The following NKAIN3 variants were observed in gnomAD, a reference collection of about 807,000 sequenced individuals.
NKAIN3 encodes the protein sodium/potassium-transporting ATPase subunit beta-1-interacting protein 3.
A neutral mutation model predicts 30.2 loss-of-function variants in NKAIN3; 25 were observed. The ratio of observed to expected loss-of-function variants is 0.83; its 90% CI spans 0.60 to 1.16. The LOEUF (loss-of-function observed/expected upper bound fraction) is 1.16. Among genes scored for constraint, NKAIN3 ranks in the 50% most tolerant of loss-of-function variants. The probability of loss-of-function intolerance (pLI) is 0.00; values close to 1 mark genes in which losing one functional copy is unlikely to be tolerated. For synonymous variants in NKAIN3, 91 were observed against 89.6 expected (o/e 1.02, Z -0.09); for missense variants, 225 against 254.1 (o/e 0.89, Z 0.78).
At chr8:62,538,316 AG>A (rs2129875758) in intron 1 of NKAIN3, among the ~76,000 whole-genome samples, 1 of 152,120 alleles carries the variant, frequency 6.6e-6, no homozygotes, top group African/African-American at 2.4e-5. Context: ...CAAGGACCAT[AG>A]GCACCCACCA....
At chr8:62,270,519 T>C (rs1812746744) in intron 1 of NKAIN3, among the ~76,000 whole-genome samples, 1 of 152,168 alleles carries the variant, frequency 6.6e-6, no homozygotes. Context: ...GTGGAATAAT[T>C]AAATCGAATT....
At chr8:62,873,827 C>A (rs761732151) in intron 4 of NKAIN3, among the ~76,000 whole-genome samples, 1 of 151,866 alleles carries the variant, frequency 6.6e-6, no homozygotes, top group African/African-American at 2.4e-5. Flanking sequence ...TGGGTTATGG[C>A]TAAAGCAGTG....
chr8:62,828,724 C>T (rs748245482), intron 4 of NKAIN3, among the ~76,000 whole-genome samples: 6 of 152,094 alleles, frequency 3.9e-5, no homozygotes, highest in Non-Finnish European at 7.4e-5. Context: ...TCTTAAGATA[C>T]TAGAAGCTTC....
At chr8:62,286,900 T>C (rs186104203) in intron 1 of NKAIN3, among the ~76,000 whole-genome samples, 16 of 152,078 alleles carry the variant, frequency 1.1e-4, no homozygotes, top group Admixed American at 1.0e-3. Flanking sequence ...ATTGTTTTCC[T>C]TCATTTTAGA....
chr8:62,991,632 T>C (rs1824322853), intron 5 of NKAIN3, among the ~76,000 whole-genome samples: 1 of 152,230 alleles, frequency 6.6e-6, no homozygotes, highest in South Asian at 2.1e-4. Flanking sequence ...AAGTTTGTTT[T>C]CAGAGTGTTT....
chr8:62,992,751 C>A (rs899984907), intron 5 of NKAIN3, among the ~76,000 whole-genome samples: 1 of 150,482 alleles, frequency 6.6e-6, no homozygotes, highest in African/African-American at 2.5e-5. Context: ...TTCTAGCATG[C>A]AAATTCTTTC....
intron 1 of NKAIN3, among the ~76,000 whole-genome samples, chr8:62,508,530 C>T (rs1585887430): frequency 6.6e-6 from 1 of 152,224 alleles, no homozygotes; most frequent in South Asian, 2.1e-4. Context: ...CCCTCATTGT[C>T]CGGGGACCAG....
Position 62,753,276 on chromosome 8 carries a change from T to C in NKAIN3, c.471+6147T>C, listed in dbSNP as rs1816345862. Among the ~76,000 whole-genome samples the C allele has an allele frequency of 2.0e-5, 3 of 151,596 alleles. No homozygotes were observed. In the South Asian group the frequency reaches 6.2e-4, roughly 31 times the overall value. On this transcript the variant is annotated intron_variant, in intron 4 of 6. Coordinates refer to ENST00000623646, the MANE Select transcript of NKAIN3 (RefSeq NM_001304533.3). Reference sequence around the variant, plus strand: ...AGCATTTCCTTTTTCTGCTAGAGAATGTGAATAAAGTATTTCTGCTTGAAA... The same window carrying C: ...AGCATTTCCTTTTTCTGCTAGAGAACGTGAATAAAGTATTTCTGCTTGAAA...
At chr8:62,305,062 A>G (rs1328030471) in intron 1 of NKAIN3, among the ~76,000 whole-genome samples, 2 of 150,584 alleles carry the variant, frequency 1.3e-5, no homozygotes, top group East Asian at 3.9e-4. Context: ...GGGTCTGTAA[A>G]GGAAATAGTA....
chr8:62,867,638 C>G (rs75425843), intron 4 of NKAIN3, among the ~76,000 whole-genome samples: 9 of 152,326 alleles, frequency 5.9e-5, no homozygotes, highest in Non-Finnish European at 1.2e-4. Context: ...ACACAGTCAA[C>G]TCAGAGGATG....
rs1184324213 is a variant in NKAIN3, at chr8:62,971,930, T to A, written c.*6523T>A. On this transcript the variant is annotated 3_prime_UTR_variant, in exon 7 of 7. Coordinates refer to ENST00000623646, the MANE Select transcript of NKAIN3 (RefSeq NM_001304533.3). The stretch of plus-strand genomic sequence containing the variant: ...ATCAGTAGCACTACATCCTTCTAGG[T>A]TTCCCATAATTTTGCAGACAGGTTT... Among the ~76,000 whole-genome samples, 1 of 152,178 alleles carries A rather than the reference T, an allele frequency of 6.6e-6. No homozygotes were observed. Among genetic ancestry groups the A allele is most frequent in the Non-Finnish European group, 1.5e-5 (1 of 68,010 alleles).
chr8:62,970,280 A>G lies in NKAIN3; in HGVS notation c.*4873A>G, dbSNP rs1823804948. ...TATTAGAAGAAGGTATTTATCAATA[A>G]AGAATTCTCAAAAAAATGGAATTAT... On this transcript the variant is annotated 3_prime_UTR_variant, in exon 7 of 7. Transcript: ENST00000623646. Among the ~76,000 whole-genome samples the G allele has an allele frequency of 1.3e-5, 2 of 152,124 alleles. No individual in the cohort carries two copies. Among genetic ancestry groups the G allele is most frequent in the African/African-American group, 2.4e-5 (1 of 41,442 alleles).
intron 4 of NKAIN3, among the ~76,000 whole-genome samples, chr8:62,819,907 A>G (rs1818801562): frequency 1.3e-5 from 2 of 152,162 alleles, no homozygotes; most frequent in Non-Finnish European, 2.9e-5. Flanking sequence ...AGCAAAATAT[A>G]AAATGTTTGG....
Position 62,327,172 on chromosome 8 carries a change from T to C in NKAIN3, c.54+78045T>C, listed in dbSNP as rs7843999. Among the ~76,000 whole-genome samples, 1,367 of 152,190 alleles carry C rather than the reference T, an allele frequency of 9.0e-3. 29 individuals are homozygous for C. The highest frequency in any genetic ancestry group is 0.031 in the African/African-American group (1,292 of 41,570). On this transcript the variant is annotated intron_variant, in intron 1 of 6. Coordinates refer to ENST00000623646, the MANE Select transcript of NKAIN3 (RefSeq NM_001304533.3). Reference sequence around the variant, plus strand: ...CCAATTTTTGAAACAGATTTTTTGTTGTTGCTGTTGAGTTTAGGAGTTCTC... The same window carrying C: ...CCAATTTTTGAAACAGATTTTTTGTCGTTGCTGTTGAGTTTAGGAGTTCTC...
intron 3 of NKAIN3, among the ~76,000 whole-genome samples, chr8:62,591,375 G>T (rs1245549887): frequency 6.6e-6 from 1 of 151,780 alleles, no homozygotes; most frequent in Admixed American, 6.6e-5. Flanking sequence ...AAAATAATAA[G>T]ACCAGATTTT....
At chr8:62,796,008 C>G (rs1817849377) in intron 4 of NKAIN3, among the ~76,000 whole-genome samples, 1 of 151,924 alleles carries the variant, frequency 6.6e-6, no homozygotes, top group Admixed American at 6.6e-5. Context: ...GTTGATTTGG[C>G]CAAAAAAATG....
intron 1 of NKAIN3, among the ~76,000 whole-genome samples, chr8:62,484,814 T>C (rs1339421479): frequency 6.6e-6 from 1 of 152,126 alleles, no homozygotes; most frequent in Non-Finnish European, 1.5e-5. Flanking sequence ...AAGGGTCACA[T>C]AGTGGTGTCT....
chr8:62,349,082 A>G (rs1046670400), intron 1 of NKAIN3, among the ~76,000 whole-genome samples: 5 of 152,228 alleles, frequency 3.3e-5, no homozygotes, highest in African/African-American at 1.2e-4. Flanking sequence ...GTTATCATTT[A>G]AAAATAACTC....
Position 62,853,783 on chromosome 8 carries a change from GTGA to G in NKAIN3, c.472-64667_472-64665del, listed in dbSNP as rs1452452160. Among the ~76,000 whole-genome samples, 4 of 152,204 alleles carry G rather than the reference GTGA, an allele frequency of 2.6e-5. No individual in the cohort carries two copies. In the South Asian group the frequency reaches 8.3e-4, roughly 32 times the overall value. On this transcript the variant is annotated intron_variant, in intron 4 of 6. Transcript: ENST00000623646. ...TCTTGGTTCTCTGGTTCTTTTAACT[GTGA>G]TGTTAAGTTGTTAACTCGAGATCTT... is the stretch of plus-strand genomic sequence containing the variant.
Sources: allele counts gnomAD v4.1 joint callset (sites outside exome capture counted in the v4.1 genomes callset), GRCh38; gene constraint gnomAD v4.1.1; transcripts MANE v1.5; gene names NCBI Gene and HGNC (gene_info 2026-07-23, HGNC 2026-07-21).